The following LPIN1 variants were observed in gnomAD, a reference collection of about 807,000 sequenced individuals.
The protein encoded by LPIN1 is phosphatidate phosphatase LPIN1.
Under a neutral mutation model 107.5 loss-of-function variants are expected in LPIN1, and 71 were observed. That is an observed-to-expected ratio of 0.66 (90% CI 0.55 to 0.80). The LOEUF is 0.80. Ranked by LOEUF, LPIN1 falls within the 30% of genes least tolerant of loss-of-function variation. The pLI is 0.00. For missense variants in LPIN1, 1,043 were observed against 1,160.6 expected, an observed-to-expected ratio of 0.90 and a Z score of 1.47; for synonymous variants, 445 against 452.6, an observed-to-expected ratio of 0.98 and a Z score of 0.21.
At chr2:11,735,688 G>T (rs1158570318) in intron 1 of LPIN1, among the ~76,000 whole-genome samples, 1 of 152,244 alleles carries the variant, frequency 6.6e-6, no homozygotes, top group Non-Finnish European at 1.5e-5. Context: ...GGTCAACGAT[G>T]AAAGGGGTTG....
chr2:11,702,408 G>A (rs1237234248), intron 1 of LPIN1, among the ~76,000 whole-genome samples: 3 of 152,140 alleles, frequency 2.0e-5, no homozygotes, highest in African/African-American at 7.2e-5. Flanking sequence ...ATTGGGGTCT[G>A]GGCTCTGGAC....
At chr2:11,717,657 A>AT (rs904050698) in intron 2 of LPIN1, among the ~76,000 whole-genome samples, 5 of 152,254 alleles carry the variant, frequency 3.3e-5, no homozygotes, top group East Asian at 1.9e-4. Context: ...TTTAAAAAAA[A>AT]TTATTTAGCA....
chr2:11,787,123 C>G lies in LPIN1; in HGVS notation c.1599C>G (p.Pro533=). Residue 533 remains proline (P), a synonymous_variant, in exon 11 of 21, where the codon CCC becomes CCG. Coordinates refer to ENST00000674199, the MANE Select transcript of LPIN1 (RefSeq NM_001349206.2). The part of the protein sequence containing the change: ...AVSYQQFVDN[P]AIIDDPNLVV... The stretch of plus-strand genomic sequence containing the variant: ...CATATCAACAGTTTGTGGACAACCC[C>G]GCTATTATCGATGACCCCAATCTCG... 1 of 1,614,116 alleles carries G rather than the reference C, an allele frequency of 6.2e-7. No homozygotes were observed. Among genetic ancestry groups the G allele is most frequent in the Non-Finnish European group, 8.5e-7 (1 of 1,179,972 alleles).
chr2:11,680,828 G>C (rs78797797), intron 1 of LPIN1, among the ~76,000 whole-genome samples: 2 of 152,130 alleles, frequency 1.3e-5, no homozygotes, highest in South Asian at 4.1e-4. Flanking sequence ...AGGCAGTCAC[G>C]GGCCGAATAT....
At chr2:11,763,554 C>T (rs1374739365) in intron 1 of LPIN1, among the ~76,000 whole-genome samples, 2 of 152,108 alleles carry the variant, frequency 1.3e-5, no homozygotes, top group Admixed American at 1.3e-4. Flanking sequence ...GGGAAGGAAT[C>T]GTTTCTCTCC....
chr2:11,718,367 A>G (rs111364268), intron 2 of LPIN1, among the ~76,000 whole-genome samples: 5,132 of 152,034 alleles, frequency 0.034, 164 homozygotes, highest in African/African-American at 0.078. Flanking sequence ...AGCTGGGATT[A>G]CAGGTGCCCA....
At chr2:11,736,634 T>C (rs995207752) in intron 1 of LPIN1, among the ~76,000 whole-genome samples, 1 of 152,254 alleles carries the variant, frequency 6.6e-6, no homozygotes, top group East Asian at 1.9e-4. Flanking sequence ...ATTCCAAAAA[T>C]GTTTTCTTCT....
At chr2:11,687,477 G>A (rs757454538) in intron 1 of LPIN1, among the ~76,000 whole-genome samples, 2 of 151,768 alleles carry the variant, frequency 1.3e-5, no homozygotes, top group African/African-American at 4.9e-5. Context: ...AGCATGGACA[G>A]CAAGGCAGGG....
Position 11,792,021 on chromosome 2 carries a change from C to T in LPIN1, c.1806+15C>T. On this transcript the variant is annotated intron_variant, in intron 13 of 20. Coordinates refer to ENST00000674199, the MANE Select transcript of LPIN1 (RefSeq NM_001349206.2). ...CAATCAAGGAGGTAAGCCCAGAAGA[C>T]AAAGCAGTGCTCACACTTAGCAAGT... is the stretch of plus-strand genomic sequence containing the variant. The T allele has an allele frequency of 6.2e-7, 1 of 1,605,664 alleles. No individual in the cohort carries two copies. Among genetic ancestry groups the T allele is most frequent in the Non-Finnish European group, 8.5e-7 (1 of 1,172,754 alleles).
At chr2:11,781,802 G>T (rs1374664973) in intron 7 of LPIN1, among the ~76,000 whole-genome samples, 1 of 152,244 alleles carries the variant, frequency 6.6e-6, no homozygotes, top group Non-Finnish European at 1.5e-5. Context: ...TCTGCTCCCT[G>T]CAAGGGGAAA....
intron 14 of LPIN1, among the ~76,000 whole-genome samples, chr2:11,798,113 C>T (rs913796946): frequency 3.3e-5 from 5 of 152,326 alleles, no homozygotes; most frequent in African/African-American, 9.6e-5. Context: ...GAAGAAGGCA[C>T]CTGCTTTTCC....
intron 1 of LPIN1, among the ~76,000 whole-genome samples, chr2:11,686,812 T>C (rs887678413): frequency 2.6e-5 from 4 of 152,042 alleles, no homozygotes; most frequent in Non-Finnish European, 4.4e-5. Context: ...TTAATCGATA[T>C]GGGTCCTTTT....
At chr2:11,822,813 C>T (rs1371800254) in intron 20 of LPIN1, among the ~76,000 whole-genome samples, 2 of 152,200 alleles carry the variant, frequency 1.3e-5, no homozygotes, top group African/African-American at 4.8e-5. Flanking sequence ...GAAAGAGGGA[C>T]TCCAGCATCT....
intron 14 of LPIN1, among the ~76,000 whole-genome samples, chr2:11,798,108 A>G (rs1677045825): frequency 6.6e-6 from 1 of 152,184 alleles, no homozygotes; most frequent in Admixed American, 6.5e-5. Flanking sequence ...CCTGTGAAGA[A>G]GGCACCTGCT....
intron 1 of LPIN1, chr2:11,741,279 G>A: frequency 9.2e-7 from 1 of 1,092,132 alleles, no homozygotes; most frequent in South Asian, 1.5e-5. Context: ...AGGATGGCCT[G>A]GTCATTTTCA....
chr2:11,804,520 G>A lies in LPIN1; in HGVS notation c.2111G>A (p.Trp704Ter). ...CGCTGTGAGGGCACCATCTATCTGT[G>A]GAACTGGGATGATAAAGTCATCATT... ...TCRCEGTIYL[W>*]NWDDKVIISD... The change falls in exon 16 of 21, where the codon TGG becomes TAG. Residue 704 changes from tryptophan to a stop codon, truncating the protein, a stop_gained. Transcript: ENST00000674199. LOFTEE classifies it high-confidence loss of function. 1.2e-6 allele frequency: 2 copies of A among 1,614,206 alleles called. No individual in the cohort carries two copies. Among genetic ancestry groups the A allele is most frequent in the Non-Finnish European group, 1.7e-6 (2 of 1,180,040 alleles).
At chr2:11,767,714 GTCCT>G (rs775901393) in intron 2 of LPIN1, 45 bp from the exon 3 acceptor site, 4 of 1,230,346 alleles carry the variant, frequency 3.3e-6, no homozygotes, top group Non-Finnish European at 4.8e-6. Flanking sequence ...GAGGTCTCCT[GTCCT>G]GGTGAAGGCA....
At chr2:11,804,698 G>A (rs1337392801) in intron 16 of LPIN1, 127 bp downstream of exon 16, 11 of 983,200 alleles carry the variant, frequency 1.1e-5, no homozygotes, top group African/African-American at 1.6e-5. Flanking sequence ...TGCAGTTGGA[G>A]CTCCTTACGT....
At chr2:11,709,941 C>T (rs540043762) in intron 1 of LPIN1, among the ~76,000 whole-genome samples, 12 of 152,324 alleles carry the variant, frequency 7.9e-5, no homozygotes, top group South Asian at 4.1e-4. Context: ...ATGGCAAGAA[C>T]GGTAGCAGTG....
Sources: allele counts gnomAD v4.1 joint callset (sites outside exome capture counted in the v4.1 genomes callset), GRCh38; gene constraint gnomAD v4.1.1; transcripts MANE v1.5; gene names NCBI Gene and HGNC (gene_info 2026-07-23, HGNC 2026-07-21).